The following ZNF23 variants were observed in gnomAD, a reference collection of about 807,000 sequenced individuals.
ZNF23 encodes the protein kruppel-like zinc finger factor X31.
Under a neutral mutation model 56.2 loss-of-function variants are expected in ZNF23, and 48 were observed. That is an observed-to-expected ratio of 0.85 (90% CI 0.68 to 1.09). The LOEUF (loss-of-function observed/expected upper bound fraction) is 1.09, where lower values mean the gene tolerates loss of function less well. Ranked by LOEUF, ZNF23 falls within the 50% of genes least tolerant of loss-of-function variation. The probability of loss-of-function intolerance (pLI) is 0.00; values close to 1 mark genes in which losing one functional copy is unlikely to be tolerated. For missense variants in ZNF23, 805 were observed against 811.4 expected, an observed-to-expected ratio of 0.99 and a Z score of 0.10; for synonymous variants, 266 against 283.3, an observed-to-expected ratio of 0.94 and a Z score of 0.61.
rs764149450 is a variant in ZNF23 at position 71,448,227 on chromosome 16, T to C, written c.1927A>G (p.Ser643Gly). The C allele has an allele frequency of 6.2e-7, 1 of 1,614,276 alleles. No individual in the cohort carries two copies. Among genetic ancestry groups the C allele is most frequent in the Non-Finnish European group, 8.5e-7 (1 of 1,180,046 alleles). ...CVECGKGFSF[S>G]SDYIIHQTVH... ...GTCTGATGTATAATGTAGTCAGAACTAAAGCTGAAGCCTTTGCCACATTCC... is the reference window on the plus strand; with the variant it reads ...GTCTGATGTATAATGTAGTCAGAACCAAAGCTGAAGCCTTTGCCACATTCC... Residue 643 changes from serine to glycine, a missense_variant, in exon 5 of 5, where the codon AGT becomes GGT. Coordinates refer to ENST00000647773, the MANE Select transcript of ZNF23 (RefSeq NM_001381984.1).
At chr16:71,453,376 A>G in intron 3 of ZNF23, 26 bp from the exon 4 acceptor site, 1 of 1,502,842 alleles carries the variant, frequency 6.7e-7, no homozygotes, top group Non-Finnish European at 9.1e-7. Context: ...TAAATAGGAG[A>G]GACAGATGAA....
chr16:71,460,305 TC>T (rs35439285), intron 1 of ZNF23, among the ~76,000 whole-genome samples: 21 of 145,540 alleles, frequency 1.4e-4, no homozygotes, highest in African/African-American at 3.8e-4. Flanking sequence ...CTTGGCTCCC[TC>T]CCAAGGGGAT....
chr16:71,448,820 C>T lies in ZNF23; in HGVS notation c.1334G>A (p.Ser445Asn). 3 of 1,614,208 alleles carry T rather than the reference C, an allele frequency of 1.9e-6. No homozygotes were observed. Among genetic ancestry groups the T allele is most frequent in the South Asian group, 1.1e-5 (1 of 91,074 alleles). ...GTGTTGGATTAACTTCCCTTTGACACTGAAGGCTTTTCCACATTCAGTGCA... is the reference window on the plus strand; with the variant it reads ...GTGTTGGATTAACTTCCCTTTGACATTGAAGGCTTTTCCACATTCAGTGCA... ...YECTECGKAF[S>N]VKGKLIQHQR... Residue 445 changes from serine (S) to asparagine (N), a missense_variant, in exon 5 of 5, where the codon AGT (serine) becomes AAT (asparagine). Coordinates refer to ENST00000647773, the MANE Select transcript of ZNF23 (RefSeq NM_001381984.1).
intron 4 of ZNF23, chr16:71,450,799 C>A: frequency 2.9e-6 from 1 of 343,100 alleles, no homozygotes. Flanking sequence ...TCACACCATG[C>A]TTTTCTACAC....
At chr16:71,453,511 G>A (rs1320606969) in intron 3 of ZNF23, 161 bp from the exon 4 acceptor site, 3 of 583,132 alleles carry the variant, frequency 5.1e-6, no homozygotes, top group East Asian at 2.8e-5. Context: ...GCTTAGGAAG[G>A]ACTAAAGAGA....
chr16:71,453,280 T>C lies in ZNF23; in HGVS notation c.231A>G (p.Pro77=). The change falls in exon 4 of 5, where the codon CCA becomes CCG. Residue 77 remains proline (P), a synonymous_variant. Transcript: ENST00000647773. ...EGGSELGGSS[P]LAAGTGLQGL... ...CCTGGAGGCCTGTTCCTGCAGCCAG[T>C]GGAGATGAGCCCCCCAGCTCACTTC... 6.2e-7 allele frequency: 1 copy of C among 1,609,370 alleles called. No individual in the cohort carries two copies. The highest frequency in any genetic ancestry group is 1.1e-5 in the South Asian group (1 of 89,702).
At chr16:71,456,696 G>A (rs1057140324) in intron 2 of ZNF23, 68 bp downstream of exon 2, 3 of 986,054 alleles carry the variant, frequency 3.0e-6, no homozygotes, top group Non-Finnish European at 3.6e-6. Flanking sequence ...AGGCTCACCA[G>A]CTCCCCTTCT....
rs781287290 is a variant in ZNF23, at chr16:71,448,412, T to G, written c.1742A>C (p.Glu581Ala). 4.3e-6 allele frequency: 7 copies of G among 1,614,168 alleles called. No individual in the cohort carries two copies. The highest frequency in any genetic ancestry group is 5.9e-6 in the Non-Finnish European group (7 of 1,180,020). ...GTTAGAACTACAGCTGAATGCTTTC[T>G]CACATTCCATACATTTGAAAGGTTT... ...GEKPFKCMEC[E>A]KAFSCSSNYI... Residue 581 changes from glutamate (E) to alanine (A), a missense_variant, in exon 5 of 5, where the codon GAG becomes GCG. Physicochemically the swap from Glu to Ala is moderately radical, Grantham distance 107. Transcript: ENST00000647773.
At chr16:71,457,006 G>A (rs1348802874) in intron 1 of ZNF23, among the ~76,000 whole-genome samples, 178 bp from the exon 2 acceptor site, 1 of 152,148 alleles carries the variant, frequency 6.6e-6, no homozygotes, top group African/African-American at 2.4e-5. Flanking sequence ...TCCAGGCTAT[G>A]ACACTGAAAT....
At chr16:71,460,318 G>GC (rs377437954) in intron 1 of ZNF23, among the ~76,000 whole-genome samples, 7,087 of 149,314 alleles carry the variant, frequency 0.047, 546 homozygotes, top group African/African-American at 0.16. Context: ...CAAGGGGATA[G>GC]TTTTTTTTTT....
chr16:71,453,194 G>A (rs772918476), intron 4 of ZNF23, 49 bp downstream of exon 4: 2 of 1,390,038 alleles, frequency 1.4e-6, no homozygotes, highest in East Asian at 2.4e-5. Flanking sequence ...CTGGCTTTAT[G>A]CCTAAAGTGC....
Position 71,447,670 on chromosome 16 carries a change from CAAAT to C in ZNF23, c.*419_*422del, listed in dbSNP as rs1267048323. ...TACATGCTTGTTGTCAAAAATTAAA[CAAAT>C]AAATTAATGTAGGTAGAGTATCTTT... On this transcript the variant is annotated 3_prime_UTR_variant, in exon 5 of 5. Transcript: ENST00000647773. The C allele has an allele frequency of 6.5e-6, 1 of 153,210 alleles. No individual in the cohort carries two copies. Among genetic ancestry groups the C allele is most frequent in the African/African-American group, 2.4e-5 (1 of 41,446 alleles). The allele number at this position is 153,210 out of a possible 1,614,324, so 9.5% of individuals were successfully genotyped here.
intron 4 of ZNF23, among the ~76,000 whole-genome samples, chr16:71,452,884 T>G (rs1445293281): frequency 1.3e-5 from 2 of 152,248 alleles, no homozygotes; most frequent in Non-Finnish European, 2.9e-5. Context: ...AGCACTTCTA[T>G]CTGTGTGAAA....
chr16:71,452,302 C>T (rs566566783), intron 4 of ZNF23: 1 of 151,996 alleles, frequency 6.6e-6, no homozygotes, highest in South Asian at 2.1e-4. Context: ...GAATAAAAAC[C>T]TACAGAAACC....
At chr16:71,450,978 C>T (rs867275926) in intron 4 of ZNF23, 2 of 178,170 alleles carry the variant, frequency 1.1e-5, no homozygotes, top group Admixed American at 1.3e-4. Context: ...TGTTTCTTTC[C>T]TTAGAACATT....
At chr16:71,454,300 A>T in intron 2 of ZNF23, 132 bp from the exon 3 acceptor site, 1 of 1,225,972 alleles carries the variant, frequency 8.2e-7, no homozygotes, top group Non-Finnish European at 1.1e-6. Flanking sequence ...AACAAGGGGA[A>T]GATCTCAGAA....
chr16:71,456,003 T>C, intron 2 of ZNF23: 2 of 456,546 alleles, frequency 4.4e-6, no homozygotes, highest in South Asian at 3.1e-5. Flanking sequence ...TACAAAGGGC[T>C]TAGTATGGCT....
In ZNF23 at chr16:71,453,448, G is replaced by T. The variant is rs919287571; in HGVS notation, c.161-98C>A. ...GACTGTCTCAGCAATGGGGAGGGAAGGTAAGAACCCCAGGAGGTCCCAAGC... is the reference window on the plus strand; with the variant it reads ...GACTGTCTCAGCAATGGGGAGGGAATGTAAGAACCCCAGGAGGTCCCAAGC... On this transcript the variant is annotated intron_variant, in intron 3 of 4. Coordinates refer to ENST00000647773, the MANE Select transcript of ZNF23 (RefSeq NM_001381984.1). The T allele has an allele frequency of 9.9e-6, 9 of 913,598 alleles. No homozygotes were observed. The African/African-American group carries it at 1.5e-4, about 15-fold the overall frequency. The allele number at this position is 913,598 out of a possible 1,614,324, so 56.6% of individuals were successfully genotyped here.
At chr16:71,460,090 A>G (rs117841020) in intron 1 of ZNF23, among the ~76,000 whole-genome samples, 2,405 of 152,316 alleles carry the variant, frequency 0.016, 25 homozygotes, top group Non-Finnish European at 0.023. Context: ...TAAACATCCT[A>G]GAAAGTATAT....
Sources: allele counts gnomAD v4.1 joint callset (sites outside exome capture counted in the v4.1 genomes callset), GRCh38; gene constraint gnomAD v4.1.1; transcripts MANE v1.5; gene names NCBI Gene and HGNC (gene_info 2026-07-23, HGNC 2026-07-21).